The following CALD1 variants were observed in gnomAD, a reference collection of about 807,000 sequenced individuals.
CALD1 encodes the protein caldesmon.
A neutral mutation model predicts 99.9 loss-of-function variants in CALD1; 33 were observed. The ratio of observed to expected loss-of-function variants is 0.33; its 90% CI spans 0.25 to 0.44. The LOEUF (loss-of-function observed/expected upper bound fraction) is 0.44. Ranked by LOEUF, CALD1 falls within the 20% of genes least tolerant of loss-of-function variation. The pLI, the probability that CALD1 is intolerant of heterozygous loss-of-function variation, is 1.00. For synonymous variants in CALD1, 310 were observed against 325.0 expected (o/e 0.95, Z 0.50); for missense variants, 861 against 962.1 (o/e 0.89, Z 1.39).
intron 3 of CALD1, among the ~76,000 whole-genome samples, chr7:134,874,601 T>C (rs1211952777): frequency 6.6e-6 from 1 of 152,214 alleles, no homozygotes; most frequent in East Asian, 1.9e-4. Context: ...GCTCATTACG[T>C]TCACAGCATC....
chr7:134,841,621 C>G (rs955040167), intron 1 of CALD1, among the ~76,000 whole-genome samples: 1 of 152,212 alleles, frequency 6.6e-6, no homozygotes, highest in African/African-American at 2.4e-5. Context: ...AGTGGGGAAC[C>G]TCCATCCCTC....
intron 1 of CALD1, among the ~76,000 whole-genome samples, chr7:134,771,318 T>C (rs1459968975): frequency 6.6e-6 from 1 of 152,186 alleles, no homozygotes; most frequent in Non-Finnish European, 1.5e-5. Flanking sequence ...GAAATATGTC[T>C]AATATGATTT....
At chr7:134,827,531 T>C (rs936416290) in intron 1 of CALD1, among the ~76,000 whole-genome samples, 3 of 152,186 alleles carry the variant, frequency 2.0e-5, no homozygotes, top group Admixed American at 6.5e-5. Context: ...TTTGCCAAAG[T>C]CATCCAGTAA....
At chr7:134,962,973 A>T (rs1247219283) in intron 13 of CALD1, 5 of 455,390 alleles carry the variant, frequency 1.1e-5, no homozygotes, top group Non-Finnish European at 2.2e-5. Flanking sequence ...TTAAAATGCC[A>T]ACTTATAACT....
At chr7:134,927,203 A>G (rs777420455) in intron 3 of CALD1, among the ~76,000 whole-genome samples, 19 of 152,168 alleles carry the variant, frequency 1.2e-4, no homozygotes, top group Non-Finnish European at 7.4e-5. Context: ...GAGTTTGAGC[A>G]TCTGCAGTTG....
At chr7:134,945,917 C>G (rs1288164970) in intron 7 of CALD1, among the ~76,000 whole-genome samples, 1 of 152,196 alleles carries the variant, frequency 6.6e-6, no homozygotes, top group Non-Finnish European at 1.5e-5. Flanking sequence ...CTGCTAGAGT[C>G]AAGCTCAAGG....
At chr7:134,917,213 T>A (rs1351161136) in intron 3 of CALD1, among the ~76,000 whole-genome samples, 2 of 152,208 alleles carry the variant, frequency 1.3e-5, no homozygotes, top group Non-Finnish European at 2.9e-5. Flanking sequence ...ATTGTCCACA[T>A]CTACGATGCA....
At chr7:134,956,494 A>G (rs902175601) in intron 9 of CALD1, among the ~76,000 whole-genome samples, 2 of 152,222 alleles carry the variant, frequency 1.3e-5, no homozygotes, top group East Asian at 3.8e-4. Flanking sequence ...CTCCCTCTCT[A>G]TTCTGCACTA....
At chr7:134,765,255 A>G (rs1486981174) in intron 1 of CALD1, among the ~76,000 whole-genome samples, 1 of 151,782 alleles carries the variant, frequency 6.6e-6, no homozygotes, top group East Asian at 1.9e-4. Flanking sequence ...CAGAGGTTGC[A>G]GTGAGCTGAG....
At chr7:134,916,811 T>C (rs1804240828) in intron 3 of CALD1, among the ~76,000 whole-genome samples, 1 of 152,248 alleles carries the variant, frequency 6.6e-6, no homozygotes. Context: ...TTATGGACTT[T>C]AGTATTGCAT....
chr7:134,942,977 G>A (rs949038611), intron 7 of CALD1, among the ~76,000 whole-genome samples: 1 of 152,108 alleles, frequency 6.6e-6, no homozygotes, highest in African/African-American at 2.4e-5. Flanking sequence ...ACTTACGTGT[G>A]ACTCTGGCCT....
chr7:134,757,570 C>T (rs2131584360), intron 1 of CALD1, among the ~76,000 whole-genome samples: 1 of 152,218 alleles, frequency 6.6e-6, no homozygotes, highest in South Asian at 2.1e-4. Flanking sequence ...TTCAAATGGT[C>T]TCCTGTATGA....
At chr7:134,858,165 A>G (rs1800400938) in intron 2 of CALD1, among the ~76,000 whole-genome samples, 1 of 152,000 alleles carries the variant, frequency 6.6e-6, no homozygotes, top group Non-Finnish European at 1.5e-5. Context: ...TGATCTCTGC[A>G]GCATGTTTAC....
At chr7:134,759,180 G>GTTTGAGACC (rs1796755884) in intron 1 of CALD1, among the ~76,000 whole-genome samples, 2 of 152,156 alleles carry the variant, frequency 1.3e-5, no homozygotes, top group South Asian at 4.1e-4. Flanking sequence ...CTAGAGTCTA[G>GTTTGAGACC]AATATACTAG....
chr7:134,968,598 C>G lies in CALD1; in HGVS notation c.*253C>G, dbSNP rs1447323907. 2.9e-6 allele frequency: 2 copies of G among 682,078 alleles called. No homozygotes were observed. The highest frequency in any genetic ancestry group is 5.4e-6 in the Non-Finnish European group (2 of 371,748). The allele number at this position is 682,078 out of a possible 1,614,324, so 42.3% of individuals were successfully genotyped here. A position where few individuals can be genotyped will look rare whatever the true frequency, so the allele number is the denominator to read the frequency against. ...CCCATGCTGTGAAATAGAGACTTTT[C>G]TACTGATCATCATAACTCTGTATCT... On this transcript the variant is annotated 3_prime_UTR_variant, in exon 15 of 15. Transcript: ENST00000361675.
chr7:134,804,262 A>G (rs1344347821), intron 1 of CALD1, among the ~76,000 whole-genome samples: 1 of 152,154 alleles, frequency 6.6e-6, no homozygotes, highest in African/African-American at 2.4e-5. Context: ...TTCTTTCTAT[A>G]TTACCACTTT....
At chr7:134,788,065 G>A (rs1426788138) in intron 1 of CALD1, among the ~76,000 whole-genome samples, 1 of 152,092 alleles carries the variant, frequency 6.6e-6, no homozygotes, top group Non-Finnish European at 1.5e-5. Context: ...GCTCCCAAAA[G>A]CTCATTGTTA....
intron 1 of CALD1, among the ~76,000 whole-genome samples, chr7:134,841,188 A>C (rs1442983046): frequency 6.6e-6 from 1 of 152,200 alleles, no homozygotes; most frequent in African/African-American, 2.4e-5. Flanking sequence ...GAAGAAATTG[A>C]GTGGTTAAAT....
intron 4 of CALD1, among the ~76,000 whole-genome samples, chr7:134,930,935 C>T (rs1004491329): frequency 2.0e-5 from 3 of 152,048 alleles, no homozygotes; most frequent in African/African-American, 7.2e-5. Flanking sequence ...ATTTTGATGC[C>T]TTTCCTGAAT....
Sources: gnomAD v4.1 joint callset for allele counts (sites outside exome capture counted in the v4.1 genomes callset) on GRCh38, gnomAD v4.1.1 for gene constraint, MANE v1.5 for transcripts, NCBI Gene and HGNC (gene_info 2026-07-23, HGNC 2026-07-21) for gene names.